The following OXR1 variants were observed in gnomAD, a reference collection of about 807,000 sequenced individuals.
The protein encoded by OXR1 is oxidation resistance 1.
In OXR1, 41 loss-of-function variants were observed where a neutral mutation model predicts 104.6. The ratio of observed to expected loss-of-function variants is 0.39; its 90% CI spans 0.31 to 0.51. The LOEUF is 0.51. Ranked by LOEUF, OXR1 falls within the 20% of genes least tolerant of loss-of-function variation. The pLI is 0.77. For synonymous variants in OXR1, 348 were observed against 348.4 expected (o/e 1.00, Z 0.01); for missense variants, 955 against 1,031.9 (o/e 0.93, Z 1.02).
chr8:106,435,208 A>G (rs1819520533), intron 2 of OXR1, among the ~76,000 whole-genome samples: 1 of 152,146 alleles, frequency 6.6e-6, no homozygotes, highest in African/African-American at 2.4e-5. Flanking sequence ...TGGCTGAGGA[A>G]GTGAGGGAGG....
chr8:106,683,223 A>G lies in OXR1; in HGVS notation c.328A>G (p.Ser110Gly). The change falls in exon 5 of 17, where the codon AGC (serine) becomes GGC (glycine). Residue 110 changes from serine (S) to glycine (G), a missense_variant. Transcript: ENST00000517566. ...GGTTGAATCAAGGGATTCTTTGAAT[A>G]GCATAGCCCTGAAGTTTGATACAAC... Reference protein sequence around the residue: ...YTVESRDSLNSIALKFDTTPN... With the variant: ...YTVESRDSLNGIALKFDTTPN... 6.3e-7 allele frequency: 1 copy of G among 1,585,460 alleles called. No homozygotes were observed. Among genetic ancestry groups the G allele is most frequent in the Non-Finnish European group, 8.6e-7 (1 of 1,156,114 alleles).
chr8:106,664,289 A>G (rs1446998362), intron 3 of OXR1, among the ~76,000 whole-genome samples: 1 of 152,228 alleles, frequency 6.6e-6, no homozygotes, highest in Non-Finnish European at 1.5e-5. Flanking sequence ...CAACAGAATC[A>G]TCTCCTGAAG....
intron 2 of OXR1, among the ~76,000 whole-genome samples, chr8:106,498,229 C>A (rs766498971): frequency 4.8e-4 from 73 of 152,112 alleles, no homozygotes; most frequent in Non-Finnish European, 9.6e-4. Flanking sequence ...CATCAAGTAT[C>A]TACACTTATT....
intron 2 of OXR1, among the ~76,000 whole-genome samples, chr8:106,379,537 C>CTTTTTTTTTT (rs60855438): frequency 8.0e-4 from 87 of 108,366 alleles, no homozygotes; most frequent in African/African-American, 1.9e-3. Context: ...TTCTTTCTTT[C>CTTTTTTTTTT]TTTTTTTTTT....
chr8:106,555,378 G>A (rs578002337), intron 3 of OXR1, among the ~76,000 whole-genome samples: 1 of 152,214 alleles, frequency 6.6e-6, no homozygotes, highest in South Asian at 2.1e-4. Flanking sequence ...TATTCAGGGA[G>A]GATAGTATTT....
intron 3 of OXR1, among the ~76,000 whole-genome samples, chr8:106,579,924 A>T (rs1404059311): frequency 6.6e-6 from 1 of 150,774 alleles, no homozygotes; most frequent in Non-Finnish European, 1.5e-5. Flanking sequence ...CAGCAGAAGC[A>T]TGTGCATTCT....
intron 2 of OXR1, among the ~76,000 whole-genome samples, chr8:106,463,844 T>C (rs1199298037): frequency 1.3e-5 from 2 of 152,124 alleles, no homozygotes; most frequent in Admixed American, 6.6e-5. Context: ...TTTTTTGCTA[T>C]ATTATGGAAT....
intron 3 of OXR1, among the ~76,000 whole-genome samples, chr8:106,532,281 T>TG (rs1320137584): frequency 6.6e-6 from 1 of 152,252 alleles, no homozygotes; most frequent in Admixed American, 6.5e-5. Flanking sequence ...GAAGAATCTT[T>TG]TAGCCATATA....
At chr8:106,746,021 A>C (rs1219793924) in intron 16 of OXR1, among the ~76,000 whole-genome samples, 159 bp downstream of exon 16, 1 of 152,208 alleles carries the variant, frequency 6.6e-6, no homozygotes, top group African/African-American at 2.4e-5. Context: ...GAAGTAGCTC[A>C]AGTGTAGTTA....
At chr8:106,295,614 C>T (rs1812962717) in intron 1 of OXR1, among the ~76,000 whole-genome samples, 1 of 151,972 alleles carries the variant, frequency 6.6e-6, no homozygotes, top group Admixed American at 6.6e-5. Flanking sequence ...TTGGCAAAAC[C>T]TCTGAGAATC....
intron 3 of OXR1, among the ~76,000 whole-genome samples, chr8:106,605,825 TAAAGG>T (rs1216326133): frequency 1.3e-5 from 2 of 151,030 alleles, no homozygotes; most frequent in East Asian, 3.9e-4. Flanking sequence ...AAAAATAAAA[TAAAGG>T]AAACACAAAA....
intron 7 of OXR1, chr8:106,697,476 C>T: frequency 1.2e-6 from 2 of 1,600,580 alleles, no homozygotes; most frequent in Non-Finnish European, 1.7e-6. Context: ...CTGAGATGCC[C>T]CCCATCTGTA....
chr8:106,425,658 G>GT (rs1563516452), intron 2 of OXR1, among the ~76,000 whole-genome samples: 2 of 152,080 alleles, frequency 1.3e-5, no homozygotes, highest in African/African-American at 2.4e-5. Flanking sequence ...TCCAGAGTGA[G>GT]TTTTTTTATC....
intron 2 of OXR1, among the ~76,000 whole-genome samples, chr8:106,370,579 C>T (rs984867428): frequency 3.3e-5 from 5 of 152,090 alleles, no homozygotes; most frequent in Non-Finnish European, 7.4e-5. Context: ...TCCATCAATA[C>T]CTAGTTTATT....
intron 1 of OXR1, among the ~76,000 whole-genome samples, chr8:106,276,808 G>A (rs1812065166): frequency 6.7e-6 from 1 of 150,118 alleles, no homozygotes; most frequent in Non-Finnish European, 1.5e-5. Flanking sequence ...TTCAATTCAG[G>A]TATTCACCTA....
chr8:106,448,008 C>T, intron 2 of OXR1: 7 of 1,528,820 alleles, frequency 4.6e-6, no homozygotes, highest in Non-Finnish European at 6.1e-6. Flanking sequence ...AGGTTGCCTG[C>T]CTGCCTGCAC....
chr8:106,445,887 C>T (rs1474470422), intron 2 of OXR1, among the ~76,000 whole-genome samples: 2 of 152,188 alleles, frequency 1.3e-5, no homozygotes, highest in African/African-American at 4.8e-5. Flanking sequence ...AGGCTATGTC[C>T]TTTCTTAAAA....
intron 3 of OXR1, among the ~76,000 whole-genome samples, chr8:106,670,680 T>G (rs1267863124): frequency 6.6e-6 from 1 of 151,888 alleles, no homozygotes; most frequent in Middle Eastern, 3.2e-3. Flanking sequence ...ATTCCCTAAC[T>G]GAAAGGTAAG....
chr8:106,387,818 A>T (rs1367548391), intron 2 of OXR1, among the ~76,000 whole-genome samples: 1 of 152,220 alleles, frequency 6.6e-6, no homozygotes, highest in Non-Finnish European at 1.5e-5. Context: ...ACTCTTGAGT[A>T]GTATGCATCA....
Sources: gnomAD v4.1 joint callset for allele counts (sites outside exome capture counted in the v4.1 genomes callset) on GRCh38, gnomAD v4.1.1 for gene constraint, MANE v1.5 for transcripts, NCBI Gene and HGNC (gene_info 2026-07-23, HGNC 2026-07-21) for gene names.